TTLL11: variants seen among roughly 807,000 people sequenced by gnomAD.
TTLL11 encodes the protein tubulin tyrosine ligase like 11.
Under a neutral mutation model 51.7 loss-of-function variants are expected in TTLL11, and 42 were observed. That is an observed-to-expected ratio of 0.81 (90% CI 0.64 to 1.05). The LOEUF (loss-of-function observed/expected upper bound fraction) is 1.05, where lower values mean the gene tolerates loss of function less well. Among genes scored for constraint, TTLL11 ranks in the 50% least tolerant of loss-of-function variants. The probability of loss-of-function intolerance (pLI) is 0.00; values close to 1 mark genes in which losing one functional copy is unlikely to be tolerated. For missense variants in TTLL11, 799 were observed against 940.4 expected, an observed-to-expected ratio of 0.85 and a Z score of 1.97; for synonymous variants, 381 against 383.5, an observed-to-expected ratio of 0.99 and a Z score of 0.08.
rs144899694 is a variant in TTLL11 at position 122,020,203 on chromosome 9, G to A, written c.693+11520C>T. Among the ~76,000 whole-genome samples, 46 of 152,232 alleles carry A rather than the reference G, an allele frequency of 3.0e-4. 1 individual carries two copies. The highest frequency in any genetic ancestry group is 1.0e-3 in the African/African-American group (43 of 41,526). ...TACTATTTCATGACTTCGTACCTTTGCACAAGCTATTGTTTTTAGGTAGAA... is the reference window on the plus strand; with the variant it reads ...TACTATTTCATGACTTCGTACCTTTACACAAGCTATTGTTTTTAGGTAGAA... On this transcript the variant is annotated intron_variant, in intron 3 of 8. Transcript: ENST00000321582.
At chr9:122,089,394 A>G (rs1298045857) in intron 1 of TTLL11, among the ~76,000 whole-genome samples, 3 of 152,152 alleles carry the variant, frequency 2.0e-5, no homozygotes, top group Non-Finnish European at 4.4e-5. Flanking sequence ...CTCATAACAG[A>G]TGGGGAAAGG....
At chr9:121,826,217 T>TACACATATAC (rs1491163835) in intron 8 of TTLL11, among the ~76,000 whole-genome samples, 1 of 58,114 alleles carries the variant, frequency 1.7e-5, no homozygotes, top group Non-Finnish European at 3.0e-5. Context: ...TATATATATA[T>TACACATATAC]GCACACATAT....
At chr9:122,030,207 G>T (rs552300022) in intron 3 of TTLL11, among the ~76,000 whole-genome samples, 1 of 146,632 alleles carries the variant, frequency 6.8e-6, no homozygotes, top group Non-Finnish European at 1.5e-5. Flanking sequence ...GACATTGGGG[G>T]GGGGGGGGTA....
intron 1 of TTLL11, among the ~76,000 whole-genome samples, chr9:122,062,626 G>T (rs1045054094): frequency 2.0e-5 from 3 of 151,488 alleles, no homozygotes; most frequent in African/African-American, 7.3e-5. Context: ...CCACCACCAT[G>T]CCTGGCTAAT....
In TTLL11 at chr9:121,995,062, G is replaced by A. The variant is rs887427513; in HGVS notation, c.694-5292C>T. 2.0e-5 allele frequency among the ~76,000 whole-genome samples: 3 copies of A among 152,204 alleles called. No individual in the cohort carries two copies. The highest frequency in any genetic ancestry group is 7.2e-5 in the African/African-American group (3 of 41,454). On this transcript the variant is annotated intron_variant, in intron 3 of 8. Coordinates refer to ENST00000321582, the MANE Select transcript of TTLL11 (RefSeq NM_001139442.2). The surrounding 1 kb of genome is among the most constrained non-coding windows in gnomAD (Gnocchi z 4.4). ...ATGATGAGCTGCACAGAGGACCCTG[G>A]AGGGCACGCACCTAGAGAGGTTTGT...
At chr9:121,886,257 T>C (rs1208310864) in intron 6 of TTLL11, among the ~76,000 whole-genome samples, 1 of 152,126 alleles carries the variant, frequency 6.6e-6, no homozygotes, top group Non-Finnish European at 1.5e-5. Context: ...CTGAACACTG[T>C]CCCCCAGAAG....
At chr9:121,904,288 T>C (rs1381043212) in intron 6 of TTLL11, among the ~76,000 whole-genome samples, 1 of 152,144 alleles carries the variant, frequency 6.6e-6, no homozygotes, top group Non-Finnish European at 1.5e-5. Flanking sequence ...GCCATTCTCC[T>C]GCCTCAGCCT....
chr9:121,898,708 C>T (rs1231231092), intron 6 of TTLL11, among the ~76,000 whole-genome samples: 2 of 152,238 alleles, frequency 1.3e-5, no homozygotes, highest in Admixed American at 6.5e-5. Flanking sequence ...TCCATCAGTG[C>T]AGCAGCATGA....
At chr9:121,840,206 C>T (rs1047647160) in intron 8 of TTLL11, among the ~76,000 whole-genome samples, 1 of 152,060 alleles carries the variant, frequency 6.6e-6, no homozygotes, top group Non-Finnish European at 1.5e-5. Flanking sequence ...TATCTGGGGG[C>T]CAGTTAGGGC....
intron 6 of TTLL11, among the ~76,000 whole-genome samples, chr9:121,878,182 C>T (rs991454281): frequency 2.6e-5 from 4 of 152,230 alleles, no homozygotes; most frequent in Admixed American, 6.5e-5. Flanking sequence ...TGTGGGGTGG[C>T]GTGAGGCTAA....
chr9:121,912,850 ATTT>A lies in TTLL11; in HGVS notation c.1482-42105_1482-42103del, dbSNP rs531031335. Among the ~76,000 whole-genome samples the A allele has an allele frequency of 3.2e-4, 48 of 152,012 alleles. No homozygotes were observed. In the Middle Eastern group the frequency reaches 0.014, roughly 43 times the overall value. ...CCTTGGGAAAGGCATTCTTTTCCTC[ATTT>A]TACGTATGAGGAACATGAGATTTAG... On this transcript the variant is annotated intron_variant, in intron 6 of 8. Transcript: ENST00000321582.
At chr9:122,040,479 C>A in intron 1 of TTLL11, 1 of 944,226 alleles carries the variant, frequency 1.1e-6, no homozygotes, top group Non-Finnish European at 1.3e-6. Context: ...ACTCAGATGA[C>A]CTTGTTAAAG....
chr9:121,983,071 C>T (rs559172198), intron 4 of TTLL11, among the ~76,000 whole-genome samples: 3 of 152,200 alleles, frequency 2.0e-5, no homozygotes, highest in African/African-American at 7.2e-5. Context: ...GTGATGGCTG[C>T]CTAGACTGGG....
chr9:121,991,826 T>A lies in TTLL11; in HGVS notation c.694-2056A>T, dbSNP rs80094420. On this transcript the variant is annotated intron_variant, in intron 3 of 8. Coordinates refer to ENST00000321582, the MANE Select transcript of TTLL11 (RefSeq NM_001139442.2). ...GAACTAGAAGAATCCTCAGGGATCATCATCACCCAGTACTCTCAAAAGTCA... is the reference window on the plus strand; with the variant it reads ...GAACTAGAAGAATCCTCAGGGATCAACATCACCCAGTACTCTCAAAAGTCA... 7.8e-3 allele frequency among the ~76,000 whole-genome samples: 1,191 copies of A among 152,258 alleles called. 14 individuals are homozygous for A. Among genetic ancestry groups the A allele is most frequent in the African/African-American group, 0.028 (1,159 of 41,562 alleles).
intron 7 of TTLL11, among the ~76,000 whole-genome samples, chr9:121,868,666 G>A (rs547634431): frequency 6.6e-6 from 1 of 152,270 alleles, no homozygotes; most frequent in Non-Finnish European, 1.5e-5. Context: ...TCATTAATGA[G>A]CTCTAGAACC....
chr9:122,011,401 G>A (rs902724271), intron 3 of TTLL11, among the ~76,000 whole-genome samples: 65 of 152,090 alleles, frequency 4.3e-4, no homozygotes, highest in African/African-American at 1.5e-3. Context: ...AATTAAATAA[G>A]AAAAAAAGTA....
At chr9:121,901,073 C>A (rs11794231) in intron 6 of TTLL11, among the ~76,000 whole-genome samples, 15,686 of 152,160 alleles carry the variant, frequency 0.1, 983 homozygotes, top group Admixed American at 0.21. Flanking sequence ...CCACACCCTG[C>A]CTGGTATTTC....
Position 121,899,157 on chromosome 9 carries a change from G to A in TTLL11, c.1482-28409C>T, listed in dbSNP as rs147065421. Among the ~76,000 whole-genome samples the A allele has an allele frequency of 1.4e-3, 211 of 152,018 alleles. 2 individuals carry two copies. Among genetic ancestry groups the A allele is most frequent in the African/African-American group, 4.9e-3 (203 of 41,470 alleles). On this transcript the variant is annotated intron_variant, in intron 6 of 8. Transcript: ENST00000321582. Reference sequence around the variant, plus strand: ...CCTTGAACTTGCCAGGCACAACTCCGTCTCAAGGCCTCTGCACTTGATGGC... The same window carrying A: ...CCTTGAACTTGCCAGGCACAACTCCATCTCAAGGCCTCTGCACTTGATGGC...
chr9:121,989,912 G>A lies in TTLL11; in HGVS notation c.694-142C>T. 1 of 1,468,072 alleles carries A rather than the reference G, an allele frequency of 6.8e-7. No homozygotes were observed. Among genetic ancestry groups the A allele is most frequent in the South Asian group, 1.4e-5 (1 of 70,700 alleles). The allele number at this position is 1,468,072 out of a possible 1,614,324, so 90.9% of individuals were successfully genotyped here. A position where few individuals can be genotyped will look rare whatever the true frequency, so the allele number is the denominator to read the frequency against. On this transcript the variant is annotated intron_variant, in intron 3 of 8. Coordinates refer to ENST00000321582, the MANE Select transcript of TTLL11 (RefSeq NM_001139442.2). The surrounding 1 kb of genome is among the most constrained non-coding windows in gnomAD (Gnocchi z 4.2). ...TGAGCAGGGGCTGAGCATCTTCCAT[G>A]GAGATGACACTGCACAAGGTACTGA...
Sources: allele counts gnomAD v4.1 joint callset (sites outside exome capture counted in the v4.1 genomes callset), GRCh38; gene constraint gnomAD v4.1.1; non-coding constraint Gnocchi (gnomAD v3.1); transcripts MANE v1.5; gene names NCBI Gene and HGNC (gene_info 2026-07-23, HGNC 2026-07-21).